SH3RF3: variants seen among roughly 807,000 people sequenced by gnomAD.
SH3RF3 encodes the protein SH3 domain containing ring finger 3.
SH3RF3 carries 29 observed loss-of-function variants against 66.3 expected under a neutral mutation model. The ratio of observed to expected loss-of-function variants is 0.44; its 90% CI spans 0.33 to 0.60. The LOEUF is 0.60. SH3RF3 is among the 20% of genes least tolerant of loss of function. The pLI is 0.04. For missense variants in SH3RF3, 1,194 were observed against 1,190.9 expected, an observed-to-expected ratio of 1.00 and a Z score of -0.04; for synonymous variants, 583 against 532.0, an observed-to-expected ratio of 1.10 and a Z score of -1.32.
chr2:109,475,108 G>A (rs1276525958), intron 8 of SH3RF3, among the ~76,000 whole-genome samples: 1 of 152,146 alleles, frequency 6.6e-6, no homozygotes, highest in Non-Finnish European at 1.5e-5. Flanking sequence ...CTCTTGAGTG[G>A]CTGGGACTAC....
chr2:109,306,699 A>G (rs1162984818), intron 1 of SH3RF3, among the ~76,000 whole-genome samples: 2 of 152,172 alleles, frequency 1.3e-5, no homozygotes, highest in Admixed American at 6.5e-5. Context: ...ACTGAAGACA[A>G]CTCCAACCTG....
At chr2:109,237,899 C>G (rs1679685697) in intron 1 of SH3RF3, among the ~76,000 whole-genome samples, 1 of 152,142 alleles carries the variant, frequency 6.6e-6, no homozygotes, top group South Asian at 2.1e-4. Flanking sequence ...GCTAAATAAG[C>G]TATGGTATAT....
chr2:109,453,684 T>A (rs1677954408), intron 8 of SH3RF3, among the ~76,000 whole-genome samples: 1 of 152,204 alleles, frequency 6.6e-6, no homozygotes, highest in Non-Finnish European at 1.5e-5. Context: ...TTCATAATGA[T>A]GGAAAGGTCA....
intron 1 of SH3RF3, among the ~76,000 whole-genome samples, chr2:109,258,244 G>A (rs556836768): frequency 5.2e-4 from 79 of 152,204 alleles, no homozygotes; most frequent in Non-Finnish European, 8.7e-4. Flanking sequence ...GCCTGGCGCT[G>A]TTTGTAGGGG....
chr2:109,336,727 AT>A, intron 1 of SH3RF3, among the ~76,000 whole-genome samples: 1 of 152,380 alleles, frequency 6.6e-6, no homozygotes, highest in East Asian at 1.9e-4. Flanking sequence ...GCAACATCCA[AT>A]TTTGTGGAGA....
chr2:109,287,020 C>T (rs145878808), intron 1 of SH3RF3, among the ~76,000 whole-genome samples: 14 of 152,182 alleles, frequency 9.2e-5, no homozygotes, highest in Non-Finnish European at 1.6e-4. Flanking sequence ...GTGCTCAGCT[C>T]TGCACTGCTC....
At chr2:109,404,423 A>G (rs372583196) in intron 4 of SH3RF3, among the ~76,000 whole-genome samples, 3 of 152,218 alleles carry the variant, frequency 2.0e-5, no homozygotes, top group East Asian at 3.9e-4. Flanking sequence ...GGGAAATGCT[A>G]CAAGTTCGAG....
At chr2:109,203,569 G>A (rs1346534283) in intron 1 of SH3RF3, among the ~76,000 whole-genome samples, 1 of 152,142 alleles carries the variant, frequency 6.6e-6, no homozygotes, top group East Asian at 1.9e-4. Flanking sequence ...TGCTCCATGT[G>A]GTTCGTCCAG....
At chr2:109,206,516 GAATT>G (rs955651825) in intron 1 of SH3RF3, among the ~76,000 whole-genome samples, 1 of 79,294 alleles carries the variant, frequency 1.3e-5, no homozygotes, top group African/African-American at 4.6e-5. Context: ...AAAAAAAAAA[GAATT>G]AGAGGAGGCT....
chr2:109,343,911 A>T (rs929765537), intron 1 of SH3RF3, among the ~76,000 whole-genome samples: 31 of 152,008 alleles, frequency 2.0e-4, no homozygotes, highest in African/African-American at 6.3e-4. Flanking sequence ...GCCTATTTTT[A>T]AAAAATATTA....
intron 8 of SH3RF3, among the ~76,000 whole-genome samples, chr2:109,452,904 G>A (rs1026550897): frequency 2.7e-5 from 4 of 147,022 alleles, no homozygotes; most frequent in Admixed American, 6.7e-5. Flanking sequence ...GGCTGGTCCC[G>A]GGAGGCTGGT....
chr2:109,407,127 AGT>A (rs1036685777), intron 4 of SH3RF3, among the ~76,000 whole-genome samples: 1 of 152,174 alleles, frequency 6.6e-6, no homozygotes, highest in Non-Finnish European at 1.5e-5. Context: ...CTGGGTCCAG[AGT>A]GTGGTCAGAT....
At chr2:109,282,053 G>A (rs1036598009) in intron 1 of SH3RF3, among the ~76,000 whole-genome samples, 1 of 152,088 alleles carries the variant, frequency 6.6e-6, no homozygotes, top group African/African-American at 2.4e-5. Context: ...AGGGGATGCT[G>A]GTGGGATATG....
At chr2:109,491,346 A>G (rs944230918) in intron 9 of SH3RF3, among the ~76,000 whole-genome samples, 2 of 152,166 alleles carry the variant, frequency 1.3e-5, no homozygotes, top group Non-Finnish European at 2.9e-5. Flanking sequence ...CTTCCCTCGC[A>G]AGCCTCAACC....
intron 1 of SH3RF3, among the ~76,000 whole-genome samples, chr2:109,135,183 G>A (rs527347376): frequency 2.6e-5 from 4 of 152,282 alleles, no homozygotes; most frequent in African/African-American, 7.2e-5. Context: ...GTGAGCAAAC[G>A]GTGACCCAGC....
intron 1 of SH3RF3, among the ~76,000 whole-genome samples, chr2:109,248,385 T>C (rs1359619720): frequency 6.6e-6 from 1 of 152,226 alleles, no homozygotes; most frequent in East Asian, 1.9e-4. Context: ...CTCTCATGAT[T>C]ATGTGTTATC....
chr2:109,221,356 G>A (rs1213910287), intron 1 of SH3RF3, among the ~76,000 whole-genome samples: 3 of 152,136 alleles, frequency 2.0e-5, no homozygotes, highest in Admixed American at 6.5e-5. Context: ...GCTGAGACAG[G>A]CAGATCACTT....
At chr2:109,165,115 T>TC (rs2104923384) in intron 1 of SH3RF3, among the ~76,000 whole-genome samples, 1 of 152,258 alleles carries the variant, frequency 6.6e-6, no homozygotes, top group South Asian at 2.1e-4. Flanking sequence ...GTTCCTGGCT[T>TC]CCCCCCTCCT....
intron 1 of SH3RF3, among the ~76,000 whole-genome samples, chr2:109,134,130 C>T (rs188085647): frequency 6.6e-6 from 1 of 152,260 alleles, no homozygotes; most frequent in East Asian, 1.9e-4. Flanking sequence ...CATATATCAC[C>T]TTATGGAAAG....
Sources: gnomAD v4.1 joint callset for allele counts (sites outside exome capture counted in the v4.1 genomes callset) on GRCh38, gnomAD v4.1.1 for gene constraint, MANE v1.5 for transcripts, NCBI Gene and HGNC (gene_info 2026-07-23, HGNC 2026-07-21) for gene names.